The following DARS2 variants were observed in gnomAD, a reference collection of about 807,000 sequenced individuals.
DARS2 encodes the protein aspartate--tRNA ligase, mitochondrial.
A neutral mutation model predicts 83.0 loss-of-function variants in DARS2; 63 were observed. That is an observed-to-expected ratio of 0.76 (90% CI 0.62 to 0.94). The LOEUF (loss-of-function observed/expected upper bound fraction) is 0.94. Among genes scored for constraint, DARS2 ranks in the 40% least tolerant of loss-of-function variants. The pLI is 0.00. For missense variants in DARS2, 675 were observed against 774.4 expected (o/e 0.87, Z 1.52); for synonymous variants, 250 against 269.3 (o/e 0.93, Z 0.70).
intron 12 of DARS2, among the ~76,000 whole-genome samples, chr1:173,845,939 C>T (rs933146045): frequency 3.3e-5 from 5 of 152,120 alleles, no homozygotes; most frequent in Non-Finnish European, 7.4e-5. Flanking sequence ...AGGCGGATCA[C>T]GAAGTCAGGA....
Position 173,856,621 on chromosome 1 carries a change from G to C in DARS2, c.1675-45G>C, listed in dbSNP as rs780564979. On this transcript the variant is annotated intron_variant, in intron 15 of 16. Transcript: ENST00000649689. The stretch of plus-strand genomic sequence containing the variant: ...CTAAGCCTAGATGGTGGCACTTAGT[G>C]GACCTTCAAAATATATTTAAACTGA... 4.5e-6 allele frequency: 7 copies of C among 1,570,760 alleles called. No individual in the cohort carries two copies. In the African/African-American group the frequency reaches 9.5e-5, roughly 21 times the overall value.
At chr1:173,842,273 C>T (rs979505492) in intron 11 of DARS2, among the ~76,000 whole-genome samples, 3 of 116,900 alleles carry the variant, frequency 2.6e-5, no homozygotes, top group South Asian at 2.8e-4. Flanking sequence ...GGAACTCAGT[C>T]TCATTACTTT....
chr1:173,858,356 TA>T lies in DARS2; in HGVS notation c.*652del, dbSNP rs1261999109. On this transcript the variant is annotated 3_prime_UTR_variant, in exon 17 of 17. Coordinates refer to ENST00000649689, the MANE Select transcript of DARS2 (RefSeq NM_018122.5). Reference sequence around the variant, plus strand: ...TGCCCTGGCTACCTCACCGGGCTGTTATTGCTGGAATCAGAGGAGATAACAT... The same window carrying T: ...TGCCCTGGCTACCTCACCGGGCTGTTTTGCTGGAATCAGAGGAGATAACAT... The T allele has an allele frequency of 6.5e-6, 1 of 153,774 alleles. No individual in the cohort carries two copies. The highest frequency in any genetic ancestry group is 2.4e-5 in the African/African-American group (1 of 41,436). The allele number at this position is 153,774 out of a possible 1,614,324, so 9.5% of individuals were successfully genotyped here.
At position 173,835,236 on chromosome 1, in the gene DARS2, C is replaced by T. The variant is rs868017321; in HGVS notation, c.663+717C>T. On this transcript the variant is annotated intron_variant, in intron 7 of 16. Coordinates refer to ENST00000649689, the MANE Select transcript of DARS2 (RefSeq NM_018122.5). ...TCCCAAGTAGCTGGGACTACAGGTGCGCACCACCACACCTGGCTAATTTTT... is the reference window on the plus strand; with the variant it reads ...TCCCAAGTAGCTGGGACTACAGGTGTGCACCACCACACCTGGCTAATTTTT... Among the ~76,000 whole-genome samples the T allele has an allele frequency of 9.9e-5, 15 of 151,550 alleles. 1 individual carries two copies. Among genetic ancestry groups the T allele is most frequent in the South Asian group, 6.3e-4 (3 of 4,778 alleles).
At chr1:173,845,545 C>T (rs981511117) in intron 12 of DARS2, among the ~76,000 whole-genome samples, 1 of 152,188 alleles carries the variant, frequency 6.6e-6, no homozygotes, top group Non-Finnish European at 1.5e-5. Context: ...AATGCTCCTG[C>T]CTCTTTCTCT....
intron 13 of DARS2, chr1:173,852,098 T>C (rs1018518282): frequency 1.4e-5 from 14 of 985,328 alleles, no homozygotes; most frequent in Middle Eastern, 5.2e-4. Flanking sequence ...GAAACCAGAC[T>C]TTCGAGGAAT....
chr1:173,850,805 A>G (rs1251923556), intron 13 of DARS2, among the ~76,000 whole-genome samples: 4 of 151,708 alleles, frequency 2.6e-5, no homozygotes, highest in African/African-American at 9.7e-5. Flanking sequence ...GGGTTTCACC[A>G]TGTTGCCCAG....
In DARS2 at chr1:173,852,260, ATAGGTAGCACTTAT is replaced by A. The variant is rs149964742; in HGVS notation, c.1345-1086_1345-1073del. 1,474 of 985,264 alleles carry A rather than the reference ATAGGTAGCACTTAT, an allele frequency of 1.5e-3. 12 individuals carry two copies. The African/African-American group carries it at 0.024, about 16-fold the overall frequency. 61.0% of individuals were successfully genotyped at this position (985,264 alleles called of 1,614,324 possible). On this transcript the variant is annotated intron_variant, in intron 13 of 16. Transcript: ENST00000649689. Reference sequence around the variant, plus strand: ...CTTTCTCAGGGAAGTCCTGCATACCATAGGTAGCACTTATTAAGCACTTAGTATTTGCCAAGCCC... The same window carrying A: ...CTTTCTCAGGGAAGTCCTGCATACCATAAGCACTTAGTATTTGCCAAGCCC...
In DARS2 at chr1:173,824,860, G is replaced by A. The variant is rs1020786960; in HGVS notation, c.-370G>A. On this transcript the variant is annotated 5_prime_UTR_variant, in exon 1 of 17. Coordinates refer to ENST00000649689, the MANE Select transcript of DARS2 (RefSeq NM_018122.5). ...AGCCTCTCGAGAAGCGTGGAAAGAGGAGAAGGGCGTATACCTTGTGACCGC... is the reference window on the plus strand; with the variant it reads ...AGCCTCTCGAGAAGCGTGGAAAGAGAAGAAGGGCGTATACCTTGTGACCGC... The A allele has an allele frequency of 1.6e-5, 4 of 257,140 alleles. No individual in the cohort carries two copies. The highest frequency in any genetic ancestry group is 9.8e-5 in the Admixed American group (2 of 20,322). 15.9% of individuals were successfully genotyped at this position (257,140 alleles called of 1,614,324 possible). A position where few individuals can be genotyped will look rare whatever the true frequency, so the allele number is the denominator to read the frequency against.
chr1:173,857,566 A>G lies in DARS2; in HGVS notation c.1799A>G (p.Asp600Gly), dbSNP rs1653900303. ...CLVTGSPSIR[D>G]VIAFPKSFRG... ...GTCACTGGATCTCCAAGCATCAGAG[A>G]TGTCATAGCCTTCCCAAAGTCCTTC... The change falls in exon 17 of 17, where the codon GAT becomes GGT. Residue 600 changes from aspartate (D) to glycine (G), a missense_variant. Transcript: ENST00000649689. 1 of 1,614,086 alleles carries G rather than the reference A, an allele frequency of 6.2e-7. No individual in the cohort carries two copies. The highest frequency in any genetic ancestry group is 1.7e-5 in the Admixed American group (1 of 59,996).
At position 173,850,350 on chromosome 1, in the gene DARS2, C is replaced by T. The variant is rs553708214; in HGVS notation, c.1215C>T (p.Asn405=). The T allele has an allele frequency of 5.2e-5, 83 of 1,608,620 alleles. No individual in the cohort carries two copies. Among genetic ancestry groups the T allele is most frequent in the African/African-American group, 9.4e-5 (7 of 74,142 alleles). Residue 405 remains asparagine (N), a synonymous_variant, in exon 13 of 17, where the codon AAC becomes AAT. Coordinates refer to ENST00000649689, the MANE Select transcript of DARS2 (RefSeq NM_018122.5). ...FNQEILPVFL[N]ANRNWNSPVA... is the part of the protein sequence containing the mutation. ...AGGAAATCTTACCTGTATTCCTTAA[C>T]GCCAATAGAAACTGGAATTCTCCAG...
chr1:173,842,582 C>A (rs1275039196), intron 11 of DARS2, among the ~76,000 whole-genome samples: 3 of 149,214 alleles, frequency 2.0e-5, no homozygotes, highest in Non-Finnish European at 4.4e-5. Flanking sequence ...GGATTACAGG[C>A]GTAAGCCACC....
chr1:173,831,603 G>C lies in DARS2; in HGVS notation c.465G>C (p.Leu155=). 1 of 1,613,962 alleles carries C rather than the reference G, an allele frequency of 6.2e-7. No homozygotes were observed. The highest frequency in any genetic ancestry group is 1.1e-5 in the South Asian group (1 of 91,080). ...TAELLNACKK[L]PFEIKNFVKK... is the part of the protein sequence containing the mutation. The stretch of plus-strand genomic sequence containing the variant: ...AGCTTCTGAATGCCTGCAAGAAGCT[G>C]CCCTTTGAAATTAAGAACTTCGTGA... Residue 155 remains leucine (L), a synonymous_variant, in exon 5 of 17, where the codon CTG becomes CTC. Coordinates refer to ENST00000649689, the MANE Select transcript of DARS2 (RefSeq NM_018122.5).
At chr1:173,850,283 C>CAAAA in intron 12 of DARS2, 44 bp from the exon 13 acceptor site, 53 of 1,368,234 alleles carry the variant, frequency 3.9e-5, no homozygotes, top group African/African-American at 8.3e-5. Flanking sequence ...TCCCACTGTT[C>CAAAA]AAAAAAAAAA....
intron 12 of DARS2, 125 bp downstream of exon 12, chr1:173,845,416 A>G: frequency 1.7e-6 from 1 of 601,590 alleles, no homozygotes; most frequent in Non-Finnish European, 2.9e-6. Flanking sequence ...TTCTGCTTTT[A>G]TTTACTTTTT....
intron 12 of DARS2, 98 bp from the exon 13 acceptor site, chr1:173,850,229 C>A: frequency 7.6e-7 from 1 of 1,314,132 alleles, no homozygotes; most frequent in South Asian, 1.4e-5. Flanking sequence ...AAATTCTCTT[C>A]TATTGGGAAC....
rs1369431320 is a variant in DARS2 at position 173,839,273 on chromosome 1, T to C, written c.841-94T>C. ...ATATTTATACCCTCTGCATGTATTA[T>C]GTGCAAAATTCTATAGTAACTTGAA... On this transcript the variant is annotated intron_variant, in intron 9 of 16. Coordinates refer to ENST00000649689, the MANE Select transcript of DARS2 (RefSeq NM_018122.5). 1.4e-5 allele frequency: 15 copies of C among 1,078,914 alleles called. No homozygotes were observed. In the African/African-American group the frequency reaches 2.0e-4, roughly 15 times the overall value. 66.8% of individuals were successfully genotyped at this position (1,078,914 alleles called of 1,614,324 possible).
Position 173,836,941 on chromosome 1 carries a change from G to C in DARS2, c.665G>C (p.Gly222Ala). The stretch of plus-strand genomic sequence containing the variant: ...TCTCTCTTTCTCTCTCTTTGAAAGG[G>C]TGCCAAAGAGTTTTTAGTACCATCC... ...TPTLFKRTPG[G>A]AKEFLVPSRE... Residue 222 changes from glycine to alanine, a missense_variant and splice_region_variant, in exon 8 of 17, where the codon GGT (glycine) becomes GCT (alanine). Physicochemically the swap from Gly to Ala is moderately conservative, Grantham distance 60 (BLOSUM62 0). Transcript: ENST00000649689. 1.2e-6 allele frequency: 2 copies of C among 1,612,252 alleles called. No homozygotes were observed. The highest frequency in any genetic ancestry group is 1.7e-6 in the Non-Finnish European group (2 of 1,178,430).
chr1:173,857,884 T>G lies in DARS2; in HGVS notation c.*179T>G, dbSNP rs1025226694. On this transcript the variant is annotated 3_prime_UTR_variant, in exon 17 of 17. Transcript: ENST00000649689. ...AGATAAAAGATACCCAATTTTGACT[T>G]GATTTCATGCATCATTTGGATTTTT... 7.2e-6 allele frequency: 5 copies of G among 692,244 alleles called. No homozygotes were observed. Among genetic ancestry groups the G allele is most frequent in the South Asian group, 1.8e-5 (1 of 55,282 alleles). The allele number at this position is 692,244 out of a possible 1,614,324, so 42.9% of individuals were successfully genotyped here. A position where few individuals can be genotyped will look rare whatever the true frequency, so the allele number is the denominator to read the frequency against.
Sources: allele counts gnomAD v4.1 joint callset (sites outside exome capture counted in the v4.1 genomes callset), GRCh38; gene constraint gnomAD v4.1.1; transcripts MANE v1.5; gene names NCBI Gene and HGNC (gene_info 2026-07-23, HGNC 2026-07-21).